The following TMEM201 variants were observed in gnomAD, a reference collection of about 807,000 sequenced individuals.
TMEM201 encodes transmembrane protein 201.
In TMEM201, 26 loss-of-function variants were observed where a neutral mutation model predicts 63.4. The ratio of observed to expected loss-of-function variants is 0.41; its 90% CI spans 0.30 to 0.57. The LOEUF is 0.57. Among genes scored for constraint, TMEM201 ranks in the 20% least tolerant of loss-of-function variants. The pLI is 0.29. For missense variants in TMEM201, 794 were observed against 917.7 expected (o/e 0.87, Z 1.74); for synonymous variants, 417 against 421.6 (o/e 0.99, Z 0.14).
chr1:9,594,200 C>A (rs1305085167), intron 1 of TMEM201, among the ~76,000 whole-genome samples: 1 of 152,260 alleles, frequency 6.6e-6, no homozygotes, highest in Non-Finnish European at 1.5e-5. Flanking sequence ...CAAGGCCATG[C>A]CTGTTGCCAT....
chr1:9,601,027 C>T (rs560788265), intron 4 of TMEM201, 78 bp from the exon 5 acceptor site: 10 of 1,334,582 alleles, frequency 7.5e-6, no homozygotes, highest in African/African-American at 5.8e-5. Flanking sequence ...GCCAGAACCC[C>T]GCACAGACTG....
rs1260634481 is a variant in TMEM201, at chr1:9,607,502, C to G, written c.1161-55C>G. 2.1e-6 allele frequency: 3 copies of G among 1,433,452 alleles called. No individual in the cohort carries two copies. The Admixed American group carries it at 6.2e-5, about 30-fold the overall frequency. The allele number at this position is 1,433,452 out of a possible 1,614,324, so 88.8% of individuals were successfully genotyped here. A position where few individuals can be genotyped will look rare whatever the true frequency, so the allele number is the denominator to read the frequency against. On this transcript the variant is annotated intron_variant, in intron 6 of 10. Transcript: ENST00000340381. This position sits in a 1 kb window ranked among gnomAD's most constrained non-coding sequence, Gnocchi z 5.4. ...GGGGTGGGACCCACTGCAAGGCTGCCTCCAGGACCTCCCGCTGACCCTCTT... is the reference window on the plus strand; with the variant it reads ...GGGGTGGGACCCACTGCAAGGCTGCGTCCAGGACCTCCCGCTGACCCTCTT...
intron 3 of TMEM201, 133 bp downstream of exon 3, chr1:9,597,186 C>A: frequency 8.9e-7 from 1 of 1,118,706 alleles, no homozygotes; most frequent in Non-Finnish European, 1.2e-6. Context: ...CTTTTCTGTT[C>A]TGAGTGCCCA....
chr1:9,602,387 T>TA, intron 6 of TMEM201, 115 bp downstream of exon 6: 2 of 1,422,022 alleles, frequency 1.4e-6, no homozygotes, highest in Non-Finnish European at 1.9e-6. Context: ...GCTCACGCCC[T>TA]CCCACCCCCA....
Position 9,610,940 on chromosome 1 carries a change from C to G in TMEM201, c.1765+135C>G, listed in dbSNP as rs1644316215. On this transcript the variant is annotated intron_variant, in intron 9 of 10. Coordinates refer to ENST00000340381, the MANE Select transcript of TMEM201 (RefSeq NM_001130924.3). This position sits in a 1 kb window ranked among gnomAD's most constrained non-coding sequence, Gnocchi z 4.9. The stretch of plus-strand genomic sequence containing the variant: ...TTCCCACCCTGGAGCTCTAGGCACC[C>G]CATTCCGGCTCTGGTGACTTGAACC... 2 of 1,497,588 alleles carry G rather than the reference C, an allele frequency of 1.3e-6. No homozygotes were observed. Among genetic ancestry groups the G allele is most frequent in the East Asian group, 2.5e-5 (1 of 40,544 alleles). The allele number at this position is 1,497,588 out of a possible 1,614,324, so 92.8% of individuals were successfully genotyped here.
intron 4 of TMEM201, among the ~76,000 whole-genome samples, chr1:9,599,993 A>G (rs937272186): frequency 2.0e-5 from 3 of 152,212 alleles, no homozygotes; most frequent in Non-Finnish European, 2.9e-5. Flanking sequence ...CAGACCAGGA[A>G]CAAGGCAGAC....
chr1:9,608,855 G>A lies in TMEM201; in HGVS notation c.1394-985G>A, dbSNP rs1047188782. Among the ~76,000 whole-genome samples, 5 of 152,242 alleles carry A rather than the reference G, an allele frequency of 3.3e-5. No homozygotes were observed. Among genetic ancestry groups the A allele is most frequent in the Non-Finnish European group, 5.9e-5 (4 of 68,028 alleles). ...AGCAGAGGTCTTGGGGCGCAAGCTT[G>A]TCTTGGAGTGTCCGGTGACAGATGG... On this transcript the variant is annotated intron_variant, in intron 7 of 10. Transcript: ENST00000340381. This position sits in a 1 kb window ranked among gnomAD's most constrained non-coding sequence, Gnocchi z 4.3.
chr1:9,598,634 C>CG lies in TMEM201; in HGVS notation c.606+11dup. ...ACCAGACCCACGCACAGGTGAGAGGCGGCATCCACAGGGCGGGGGTGGGGG... is the reference window on the plus strand; with the variant it reads ...ACCAGACCCACGCACAGGTGAGAGGCGGGCATCCACAGGGCGGGGGTGGGGG... On this transcript the variant is annotated intron_variant, in intron 4 of 10. Coordinates refer to ENST00000340381, the MANE Select transcript of TMEM201 (RefSeq NM_001130924.3). The CG allele has an allele frequency of 6.2e-7, 1 of 1,609,796 alleles. No individual in the cohort carries two copies. Among genetic ancestry groups the CG allele is most frequent in the Non-Finnish European group, 8.5e-7 (1 of 1,177,594 alleles).
In TMEM201 at chr1:9,595,868, C is replaced by T; in HGVS notation, c.114-22C>T. On this transcript the variant is annotated intron_variant, in intron 1 of 10. Transcript: ENST00000340381. ...AGGTGCTGGGGTCTTCCAGGCCAAC[C>T]CGCTCTTTCCTTGGTCCACAGGATG... is the stretch of plus-strand genomic sequence containing the variant. The T allele has an allele frequency of 1.9e-6, 3 of 1,612,164 alleles. 1 individual carries two copies. Among genetic ancestry groups the T allele is most frequent in the South Asian group, 2.2e-5 (2 of 91,056 alleles).
Position 9,611,620 on chromosome 1 carries a change from G to T in TMEM201, c.1766-133G>T. 3.4e-6 allele frequency: 4 copies of T among 1,168,448 alleles called. No homozygotes were observed. In the South Asian group the frequency reaches 4.2e-5, roughly 12 times the overall value. The allele number at this position is 1,168,448 out of a possible 1,614,324, so 72.4% of individuals were successfully genotyped here. On this transcript the variant is annotated intron_variant, in intron 9 of 10. Transcript: ENST00000340381. ...AGGACCTGGCCCCCCACTGTCCAGG[G>T]TGGATGAGTGGCTTGGGACAGCCTG...
Position 9,603,432 on chromosome 1 carries a change from G to A in TMEM201, c.1160+1160G>A, listed in dbSNP as rs181321679. ...CTGGGGGCTTTATCCAGGGGTCCCA[G>A]TCGAGAGTGGCCCGAGGCCGTCCCT... On this transcript the variant is annotated intron_variant, in intron 6 of 10. Coordinates refer to ENST00000340381, the MANE Select transcript of TMEM201 (RefSeq NM_001130924.3). This position sits in a 1 kb window ranked among gnomAD's most constrained non-coding sequence, Gnocchi z 4.5. The A allele has an allele frequency of 5.4e-3, 5,294 of 985,488 alleles. 19 individuals are homozygous for A. The highest frequency in any genetic ancestry group is 0.019 in the Middle Eastern group (37 of 1,914). The allele number at this position is 985,488 out of a possible 1,614,324, so 61.0% of individuals were successfully genotyped here. A position where few individuals can be genotyped will look rare whatever the true frequency, so the allele number is the denominator to read the frequency against.
intron 1 of TMEM201, 81 bp from the exon 2 acceptor site, chr1:9,595,809 G>C (rs913642543): frequency 6.3e-7 from 1 of 1,589,766 alleles, no homozygotes; most frequent in African/African-American, 1.3e-5. Flanking sequence ...TTCCCTGGTG[G>C]CCCTGGGGCA....
At position 9,614,172 on chromosome 1, in the gene TMEM201, G is replaced by A. The variant is rs1490087343; in HGVS notation, c.*1089G>A. 6.6e-6 allele frequency: 1 copy of A among 152,146 alleles called. No homozygotes were observed. Among genetic ancestry groups the A allele is most frequent in the Non-Finnish European group, 1.5e-5 (1 of 68,124 alleles). The allele number at this position is 152,146 out of a possible 1,614,324, so 9.4% of individuals were successfully genotyped here. On this transcript the variant is annotated 3_prime_UTR_variant, in exon 11 of 11. Transcript: ENST00000340381. ...GGGGCAGTGTGTGTCTGCTGGTCAT[G>A]TGCTGGTGCCAGTTGGGGAGGAATC...
At chr1:9,589,096 C>G (rs1643876956) in intron 1 of TMEM201, 53 bp downstream of exon 1, 2 of 828,058 alleles carry the variant, frequency 2.4e-6, no homozygotes, top group Non-Finnish European at 2.9e-6. Context: ...GCCAGGCCCG[C>G]CCCCGCGCCG....
chr1:9,591,001 T>G (rs1390351193), intron 1 of TMEM201, among the ~76,000 whole-genome samples: 1 of 151,998 alleles, frequency 6.6e-6, no homozygotes, highest in East Asian at 1.9e-4. Context: ...AGCACAGAGA[T>G]GGACAGAGAG....
intron 6 of TMEM201, chr1:9,606,527 G>T (rs1017054057): frequency 1.3e-5 from 2 of 152,272 alleles, no homozygotes; most frequent in Non-Finnish European, 2.9e-5. Context: ...CGAGCATGCA[G>T]TCATGCTGGG....
At position 9,610,918 on chromosome 1, in the gene TMEM201, C is replaced by T; in HGVS notation, c.1765+113C>T. 6.7e-7 allele frequency: 1 copy of T among 1,489,068 alleles called. No individual in the cohort carries two copies. The highest frequency in any genetic ancestry group is 2.5e-5 in the East Asian group (1 of 40,378). 92.2% of individuals were successfully genotyped at this position (1,489,068 alleles called of 1,614,324 possible). On this transcript the variant is annotated intron_variant, in intron 9 of 10. Coordinates refer to ENST00000340381, the MANE Select transcript of TMEM201 (RefSeq NM_001130924.3). The surrounding 1 kb of genome is among the most constrained non-coding windows in gnomAD (Gnocchi z 4.9). ...TGCTCTGACTCCGGTGTGCGCCTTCCCACCCTGGAGCTCTAGGCACCCCAT... is the reference window on the plus strand; with the variant it reads ...TGCTCTGACTCCGGTGTGCGCCTTCTCACCCTGGAGCTCTAGGCACCCCAT...
Position 9,608,776 on chromosome 1 carries a change from A to G in TMEM201, c.1393+987A>G, listed in dbSNP as rs2100519257. Reference sequence around the variant, plus strand: ...TCCTGCCCACAGAGAAGAACAGGCAATCTCCCTGTTAAGGCTCAAGGCAGG... The same window carrying G: ...TCCTGCCCACAGAGAAGAACAGGCAGTCTCCCTGTTAAGGCTCAAGGCAGG... On this transcript the variant is annotated intron_variant, in intron 7 of 10. Transcript: ENST00000340381. The surrounding 1 kb of genome is among the most constrained non-coding windows in gnomAD (Gnocchi z 4.3). 6.6e-6 allele frequency among the ~76,000 whole-genome samples: 1 copy of G among 152,254 alleles called. No individual in the cohort carries two copies. Among genetic ancestry groups the G allele is most frequent in the South Asian group, 2.1e-4 (1 of 4,828 alleles).
At position 9,602,240 on chromosome 1, in the gene TMEM201, G is replaced by C. The variant is rs749010182; in HGVS notation, c.1128G>C (p.Lys376Asn). Reference sequence around the variant, plus strand: ...TCACGGCGGCTGTGGCCACAAGGAAGGCAACGGGCCCACGGAGGTTCCGGC... The same window carrying C: ...TCACGGCGGCTGTGGCCACAAGGAACGCAACGGGCCCACGGAGGTTCCGGC... The part of the protein sequence containing the change: ...VGFTAAVATR[K>N]ATGPRRFRPR... The change falls in exon 6 of 11, where the codon AAG (lysine) becomes AAC (asparagine). Residue 376 changes from lysine to asparagine, a missense_variant. Transcript: ENST00000340381. 1 of 1,612,362 alleles carries C rather than the reference G, an allele frequency of 6.2e-7. No individual in the cohort carries two copies.
Sources: allele counts gnomAD v4.1 joint callset (sites outside exome capture counted in the v4.1 genomes callset), GRCh38; gene constraint gnomAD v4.1.1; non-coding constraint Gnocchi (gnomAD v3.1); transcripts MANE v1.5; gene names NCBI Gene and HGNC (gene_info 2026-07-23, HGNC 2026-07-21).